Variants in PIP4K2B observed in about 807,000 individuals in gnomAD.
PIP4K2B encodes the protein phosphatidylinositol-5-phosphate 4-kinase type 2 beta.
Under a neutral mutation model 42.0 loss-of-function variants are expected in PIP4K2B, and 3 were observed. The observed-to-expected ratio is 0.07, with a 90% confidence interval of 0.03 to 0.18. The LOEUF is 0.18. Among genes scored for constraint, PIP4K2B ranks in the 10% least tolerant of loss-of-function variants. The pLI is 1.00. For synonymous variants in PIP4K2B, 204 were observed against 210.1 expected, an observed-to-expected ratio of 0.97 and a Z score of 0.25; for missense variants, 332 against 562.3, an observed-to-expected ratio of 0.59 and a Z score of 4.14.
chr17:38,795,598 A>G (rs1246527696), intron 1 of PIP4K2B, among the ~76,000 whole-genome samples: 5 of 151,892 alleles, frequency 3.3e-5, no homozygotes, highest in Admixed American at 2.0e-4. Flanking sequence ...TAAGAATACA[A>G]AAGTTAGCTG....
At chr17:38,781,450 C>T (rs147090792) in intron 3 of PIP4K2B, among the ~76,000 whole-genome samples, 1 of 152,266 alleles carries the variant, frequency 6.6e-6, no homozygotes, top group Non-Finnish European at 1.5e-5. Flanking sequence ...CCCAAGAAAA[C>T]ATACATGGGG....
At position 38,769,323 on chromosome 17, in the gene PIP4K2B, A is replaced by T. The variant is rs1374963263; in HGVS notation, c.*368T>A. The T allele has an allele frequency of 4.4e-6, 1 of 227,246 alleles. No homozygotes were observed. Among genetic ancestry groups the T allele is most frequent in the African/African-American group, 2.3e-5 (1 of 44,318 alleles). 14.1% of individuals were successfully genotyped at this position (227,246 alleles called of 1,614,324 possible). A position where few individuals can be genotyped will look rare whatever the true frequency, so the allele number is the denominator to read the frequency against. Reference sequence around the variant, plus strand: ...ATATGATTATAAATAGCAAACCTGGAGCAATGAAATTTCAGAAACAAAACC... The same window carrying T: ...ATATGATTATAAATAGCAAACCTGGTGCAATGAAATTTCAGAAACAAAACC... On this transcript the variant is annotated 3_prime_UTR_variant, in exon 10 of 10. Coordinates refer to ENST00000619039, the MANE Select transcript of PIP4K2B (RefSeq NM_003559.5).
intron 7 of PIP4K2B, chr17:38,776,525 C>T: frequency 2.7e-6 from 1 of 367,898 alleles, no homozygotes; most frequent in South Asian, 2.0e-5. Flanking sequence ...ACTTGGGAGG[C>T]TGAGGTAGGA....
In PIP4K2B at chr17:38,770,454, G is replaced by A. The variant is rs1908950703; in HGVS notation, c.1152C>T (p.Ala384=). The change falls in exon 9 of 10, where the codon GCC becomes GCT. Residue 384 remains alanine (A), a synonymous_variant. Transcript: ENST00000619039. ...GACTCACCCCGTGTTTCACCGTTTT[G>A]GCAGCATGTGCAGCTTTCTTCTTTG... ...YDTKKKAAHA[A]KTVKHGAGAE... 1 of 1,609,538 alleles carries A rather than the reference G, an allele frequency of 6.2e-7. No homozygotes were observed. Among genetic ancestry groups the A allele is most frequent in the Non-Finnish European group, 8.5e-7 (1 of 1,176,094 alleles).
intron 1 of PIP4K2B, among the ~76,000 whole-genome samples, chr17:38,792,458 TA>T (rs1333358617): frequency 6.6e-6 from 1 of 151,928 alleles, no homozygotes; most frequent in Non-Finnish European, 1.5e-5. Flanking sequence ...ATTCAGCCTT[TA>T]AAAAAAAGAA....
Position 38,799,380 on chromosome 17 carries a change from C to T in PIP4K2B, c.45G>A (p.Pro15=), listed in dbSNP as rs1177318874. ...CTSTTAVAVA[P]LSASKTKTKK... ...TGGTCTTGGTCTTGCTGGCGCTGAG[C>T]GGCGCCACCGCCACCGCCGTGGTGC... The change falls in exon 1 of 10, where the codon CCG becomes CCA. Residue 15 remains proline, a synonymous_variant. Coordinates refer to ENST00000619039, the MANE Select transcript of PIP4K2B (RefSeq NM_003559.5). This position sits in a 1 kb window ranked among gnomAD's most constrained non-coding sequence, Gnocchi z 4.4. 1.9e-6 allele frequency: 3 copies of T among 1,605,770 alleles called. No homozygotes were observed. Among genetic ancestry groups the T allele is most frequent in the East Asian group, 2.3e-5 (1 of 44,392 alleles).
At chr17:38,789,045 G>A (rs1308231929) in intron 1 of PIP4K2B, among the ~76,000 whole-genome samples, 1 of 152,180 alleles carries the variant, frequency 6.6e-6, no homozygotes, top group Non-Finnish European at 1.5e-5. Flanking sequence ...CTTGAGGCCA[G>A]GAGTTTGAGG....
chr17:38,778,055 C>G (rs1487648502), intron 6 of PIP4K2B, among the ~76,000 whole-genome samples: 11 of 152,216 alleles, frequency 7.2e-5, no homozygotes, highest in Non-Finnish European at 1.6e-4. Flanking sequence ...AGGGCTCAGG[C>G]AGCCACTGAC....
chr17:38,790,453 T>G (rs228305), intron 1 of PIP4K2B, among the ~76,000 whole-genome samples: 102,284 of 152,004 alleles, frequency 0.67, 35,406 homozygotes, highest in Admixed American at 0.78. Context: ...TTGGGAGGCC[T>G]AAGGGGACGG....
Position 38,787,415 on chromosome 17 carries a change from A to AC in PIP4K2B, c.160-496dup, listed in dbSNP as rs36015768. ...CCTGATAAGGGCCAGCTCAAAAGGC[A>AC]CCTCCTCCATGAAGTTTTCCAAGAT... On this transcript the variant is annotated intron_variant, in intron 1 of 9. Transcript: ENST00000619039. Among the ~76,000 whole-genome samples the AC allele has an allele frequency of 7.0e-4, 106 of 152,200 alleles. 1 individual carries two copies. Among genetic ancestry groups the AC allele is most frequent in the African/African-American group, 2.0e-3 (82 of 41,536 alleles).
chr17:38,784,110 C>T (rs1232639769), intron 3 of PIP4K2B, 133 bp downstream of exon 3: 1 of 607,434 alleles, frequency 1.6e-6, no homozygotes, highest in African/African-American at 1.9e-5. Flanking sequence ...GAGAGACCGC[C>T]TGGGCTGGAG....
At chr17:38,787,111 T>C (rs35312251) in intron 1 of PIP4K2B, among the ~76,000 whole-genome samples, 191 bp from the exon 2 acceptor site, 8 of 152,102 alleles carry the variant, frequency 5.3e-5, no homozygotes, top group East Asian at 1.9e-4. Flanking sequence ...CAATGGCTCA[T>C]TGCAGCCTTC....
intron 7 of PIP4K2B, chr17:38,776,743 G>A (rs1909379238): frequency 5.8e-6 from 2 of 347,680 alleles, no homozygotes; most frequent in South Asian, 4.6e-5. Context: ...GTTTTAACGA[G>A]CAGCCTCTCA....
chr17:38,799,156 C>A lies in PIP4K2B; in HGVS notation c.159+110G>T, dbSNP rs1910815085. On this transcript the variant is annotated intron_variant, in intron 1 of 9. Coordinates refer to ENST00000619039, the MANE Select transcript of PIP4K2B (RefSeq NM_003559.5). This position sits in a 1 kb window ranked among gnomAD's most constrained non-coding sequence, Gnocchi z 4.4. The stretch of plus-strand genomic sequence containing the variant: ...TGGGGTGGGCGTGCAAGTGGCTTGG[C>A]GAGGGGTGGCAGGCGTCACCGGCAG... 8 of 1,194,884 alleles carry A rather than the reference C, an allele frequency of 6.7e-6. No individual in the cohort carries two copies. The highest frequency in any genetic ancestry group is 8.9e-6 in the Non-Finnish European group (8 of 895,986). 74.0% of individuals were successfully genotyped at this position (1,194,884 alleles called of 1,614,324 possible).
In PIP4K2B at chr17:38,779,261, A is replaced by C. The variant is rs1598048211; in HGVS notation, c.654+122T>G. 21 of 946,502 alleles carry C rather than the reference A, an allele frequency of 2.2e-5. No individual in the cohort carries two copies. In the East Asian group the frequency reaches 4.9e-4, roughly 22 times the overall value. 58.6% of individuals were successfully genotyped at this position (946,502 alleles called of 1,614,324 possible). ...CAAGAATCAGGCATATCCACTCCAG[A>C]GTTCCCTGTCCATGCCAACACATAG... On this transcript the variant is annotated intron_variant, in intron 5 of 9. Transcript: ENST00000619039.
rs1040485423 is a variant in PIP4K2B at position 38,768,785 on chromosome 17, G to A, written c.*906C>T. The A allele has an allele frequency of 2.0e-5, 3 of 152,526 alleles. No homozygotes were observed. The highest frequency in any genetic ancestry group is 4.4e-5 in the Non-Finnish European group (3 of 68,054). 9.4% of individuals were successfully genotyped at this position (152,526 alleles called of 1,614,324 possible). A position where few individuals can be genotyped will look rare whatever the true frequency, so the allele number is the denominator to read the frequency against. ...CAAAGGGAAATAACCATTTAAACAT[G>A]AGGGTCCTGATAAATCCAAAGGTAC... On this transcript the variant is annotated 3_prime_UTR_variant, in exon 10 of 10. Transcript: ENST00000619039.
intron 7 of PIP4K2B, chr17:38,776,509 C>T (rs897808713): frequency 1.2e-4 from 44 of 356,822 alleles, no homozygotes; most frequent in Non-Finnish European, 2.0e-4. Flanking sequence ...GCCTATAGTC[C>T]CAGCTACTTG....
chr17:38,784,547 CT>C (rs1484410683), intron 2 of PIP4K2B, among the ~76,000 whole-genome samples: 1 of 152,156 alleles, frequency 6.6e-6, no homozygotes, highest in Non-Finnish European at 1.5e-5. Flanking sequence ...CATCTATATT[CT>C]GACTTCAGAA....
chr17:38,783,195 C>CAAAAAAAA (rs35913511), intron 3 of PIP4K2B, among the ~76,000 whole-genome samples: 3 of 55,888 alleles, frequency 5.4e-5, no homozygotes, highest in East Asian at 5.9e-4. Context: ...AACTCCATCT[C>CAAAAAAAA]AAAAAAAAAA....
Sources: allele counts gnomAD v4.1 joint callset (sites outside exome capture counted in the v4.1 genomes callset), GRCh38; gene constraint gnomAD v4.1.1; non-coding constraint Gnocchi (gnomAD v3.1); transcripts MANE v1.5; gene names NCBI Gene and HGNC (gene_info 2026-07-23, HGNC 2026-07-21).